Variants in ALK observed in about 807,000 individuals in gnomAD.
The protein encoded by ALK is ALK tyrosine kinase receptor.
A neutral mutation model predicts 163.1 loss-of-function variants in ALK; 74 were observed. The observed-to-expected ratio is 0.45, with a 90% CI of 0.38 to 0.55. The LOEUF (loss-of-function observed/expected upper bound fraction) is 0.55, where lower values mean the gene tolerates loss of function less well. ALK is among the 20% of genes least tolerant of loss of function. The pLI is 0.00. For missense variants in ALK, 2,063 were observed against 2,105.3 expected, an observed-to-expected ratio of 0.98 and a Z score of 0.39; for synonymous variants, 960 against 843.2, an observed-to-expected ratio of 1.14 and a Z score of -2.40.
chr2:29,317,928 G>T (rs534365311), intron 8 of ALK, among the ~76,000 whole-genome samples: 2 of 152,338 alleles, frequency 1.3e-5, no homozygotes, highest in African/African-American at 4.8e-5. Context: ...TCAAATTTTT[G>T]AGGATGTATA....
intron 3 of ALK, among the ~76,000 whole-genome samples, chr2:29,582,249 A>G (rs973148537): frequency 1.3e-5 from 2 of 152,216 alleles, no homozygotes; most frequent in Non-Finnish European, 2.9e-5. Flanking sequence ...CTTCCTGCTC[A>G]GGCAGTCATA....
chr2:29,205,214 TTTC>T (rs778544028), intron 26 of ALK, among the ~76,000 whole-genome samples: 3 of 152,242 alleles, frequency 2.0e-5, no homozygotes, highest in Non-Finnish European at 4.4e-5. Flanking sequence ...TTTCTACATG[TTTC>T]TTCAAGTTCC....
At chr2:29,424,477 A>T (rs993409904) in intron 4 of ALK, among the ~76,000 whole-genome samples, 1 of 152,230 alleles carries the variant, frequency 6.6e-6, no homozygotes, top group Non-Finnish European at 1.5e-5. Flanking sequence ...TGAATTTAGG[A>T]TTAAAGTTGT....
intron 1 of ALK, among the ~76,000 whole-genome samples, chr2:29,911,407 T>C (rs1170633474): frequency 1.3e-5 from 2 of 152,206 alleles, no homozygotes; most frequent in Admixed American, 6.5e-5. Context: ...CCAAAGGGTA[T>C]GGAGGGAATC....
At chr2:29,501,103 T>C (rs1294380419) in intron 4 of ALK, among the ~76,000 whole-genome samples, 1 of 152,164 alleles carries the variant, frequency 6.6e-6, no homozygotes, top group Non-Finnish European at 1.5e-5. Flanking sequence ...CTCTGATGCA[T>C]GGGGAGAAGA....
chr2:29,873,670 C>T (rs759234507), intron 1 of ALK, among the ~76,000 whole-genome samples: 3 of 152,074 alleles, frequency 2.0e-5, no homozygotes, highest in African/African-American at 4.8e-5. Context: ...CAGTCTTAAA[C>T]GAAGCCAGAC....
At chr2:29,298,299 A>G (rs879802515) in intron 8 of ALK, among the ~76,000 whole-genome samples, 13 of 151,688 alleles carry the variant, frequency 8.6e-5, no homozygotes, top group African/African-American at 3.2e-4. Flanking sequence ...CTCTACTGAG[A>G]CCTCCTAGGA....
rs2148170812 is a variant in ALK at position 29,223,393 on chromosome 2, G to A, written c.3308C>T (p.Ser1103Phe). The A allele has an allele frequency of 1.2e-6, 2 of 1,614,202 alleles. No individual in the cohort carries two copies. The highest frequency in any genetic ancestry group is 2.2e-5 in the East Asian group (1 of 44,880). ...NPNYCFAGKT[S>F]SISDLKEVPR... ...CACCTCCTTCAGGTCACTGATGGAG[G>A]AGGTCTTGCCAGCAAAGCAGTAGTT... The change falls in exon 20 of 29, where the codon TCC becomes TTC. Residue 1103 changes from serine to phenylalanine, a missense_variant. This residue lies in a region of ALK where 575 missense variants were observed against 626.6 expected (regional missense o/e 0.92). Coordinates refer to ENST00000389048, the MANE Select transcript of ALK (RefSeq NM_004304.5).
intron 3 of ALK, among the ~76,000 whole-genome samples, chr2:29,608,149 T>C (rs557815072): frequency 1.3e-5 from 2 of 152,340 alleles, no homozygotes; most frequent in South Asian, 4.1e-4. Flanking sequence ...TATAAATATA[T>C]GTATAAAGAA....
chr2:29,536,567 G>A (rs1673261829), intron 3 of ALK, among the ~76,000 whole-genome samples: 2 of 152,088 alleles, frequency 1.3e-5, no homozygotes, highest in South Asian at 4.1e-4. Context: ...ACACAAGCAT[G>A]GACTAATACA....
chr2:29,644,378 C>T (rs1177975958), intron 3 of ALK, among the ~76,000 whole-genome samples: 1 of 150,746 alleles, frequency 6.6e-6, no homozygotes, highest in African/African-American at 2.5e-5. Flanking sequence ...TGCACATGTA[C>T]CCTAAAACTT....
chr2:29,646,350 C>G (rs555054972), intron 3 of ALK, among the ~76,000 whole-genome samples: 7 of 152,206 alleles, frequency 4.6e-5, no homozygotes, highest in East Asian at 3.9e-4. Flanking sequence ...TTGTCTTTTT[C>G]TTGCTTAGTT....
At chr2:29,823,997 G>C (rs1057147411) in intron 1 of ALK, among the ~76,000 whole-genome samples, 2 of 152,142 alleles carry the variant, frequency 1.3e-5, no homozygotes, top group African/African-American at 4.8e-5. Flanking sequence ...ACATTGTTTG[G>C]TGGGCTGGGC....
chr2:29,700,229 G>A (rs1296218360), intron 2 of ALK, among the ~76,000 whole-genome samples: 7 of 152,126 alleles, frequency 4.6e-5, no homozygotes, highest in Non-Finnish European at 1.0e-4. Flanking sequence ...TGGGGACTTG[G>A]TTTGCCTCCA....
chr2:29,581,893 A>G (rs997844129), intron 3 of ALK, among the ~76,000 whole-genome samples: 4 of 152,208 alleles, frequency 2.6e-5, no homozygotes, highest in African/African-American at 9.7e-5. Flanking sequence ...AGAGAGAAAC[A>G]TGTAGAAAGG....
At chr2:29,212,952 G>A (rs748495808) in intron 24 of ALK, among the ~76,000 whole-genome samples, 14 of 152,124 alleles carry the variant, frequency 9.2e-5, no homozygotes, top group South Asian at 4.2e-4. Context: ...TGATTCTCCC[G>A]CCTCAGCCTC....
At chr2:29,206,826 T>C (rs1485042079) in intron 26 of ALK, among the ~76,000 whole-genome samples, 2 of 151,804 alleles carry the variant, frequency 1.3e-5, no homozygotes. Context: ...GTGAGGGGCA[T>C]GTGTTCAATC....
chr2:29,375,184 G>A (rs1668726054), intron 5 of ALK, among the ~76,000 whole-genome samples: 2 of 152,162 alleles, frequency 1.3e-5, no homozygotes, highest in Non-Finnish European at 2.9e-5. Flanking sequence ...GCGAGGTGAG[G>A]CCCAGAGAGG....
At position 29,921,310 on chromosome 2, in the gene ALK, G is replaced by A. The variant is rs919127776; in HGVS notation, c.-651C>T. 6 of 233,078 alleles carry A rather than the reference G, an allele frequency of 2.6e-5. No homozygotes were observed. The highest frequency in any genetic ancestry group is 1.1e-4 in the African/African-American group (5 of 45,322). The allele number at this position is 233,078 out of a possible 1,614,324, so 14.4% of individuals were successfully genotyped here. ...GCGTGAATCCCAGCCCCCGCGCTGCGCAAGTTTGCAGCGTCCTTGCTCTCA... is the reference window on the plus strand; with the variant it reads ...GCGTGAATCCCAGCCCCCGCGCTGCACAAGTTTGCAGCGTCCTTGCTCTCA... On this transcript the variant is annotated 5_prime_UTR_variant, in exon 1 of 29. Transcript: ENST00000389048.
Sources: allele counts gnomAD v4.1 joint callset (sites outside exome capture counted in the v4.1 genomes callset), GRCh38; gene constraint gnomAD v4.1.1; regional missense constraint gnomAD v4.1.1; transcripts MANE v1.5; gene names NCBI Gene and HGNC (gene_info 2026-07-23, HGNC 2026-07-21).